The following SFT2D1 variants were observed in gnomAD, a reference collection of about 807,000 sequenced individuals.
SFT2D1 encodes vesicle transport protein SFT2A.
Under a neutral mutation model 28.1 loss-of-function variants are expected in SFT2D1, and 24 were observed. That is an observed-to-expected ratio of 0.85 (90% CI 0.62 to 1.20). The LOEUF is 1.20. SFT2D1 is among the 50% of genes most tolerant of loss of function. SFT2D1 has a pLI of 0.00. For missense variants in SFT2D1, 181 were observed against 190.9 expected (o/e 0.95, Z 0.31); for synonymous variants, 82 against 73.7 (o/e 1.11, Z -0.58).
chr6:166,338,268 C>G (rs182403921), intron 1 of SFT2D1, among the ~76,000 whole-genome samples: 139 of 152,296 alleles, frequency 9.1e-4, no homozygotes, highest in Non-Finnish European at 1.7e-3. Context: ...TGCCAATGCC[C>G]TCAGCTCTCC....
intron 1 of SFT2D1, among the ~76,000 whole-genome samples, chr6:166,338,852 G>A (rs551133784): frequency 5.3e-5 from 8 of 152,212 alleles, no homozygotes; most frequent in African/African-American, 1.2e-4. Flanking sequence ...CAGGCATCTC[G>A]AAGGAGAGGT....
chr6:166,329,692 G>A, intron 2 of SFT2D1, 103 bp from the exon 3 acceptor site: 2 of 902,808 alleles, frequency 2.2e-6, no homozygotes, highest in Non-Finnish European at 3.3e-6. Context: ...TATGTAATAT[G>A]TTTAAATACA....
intron 7 of SFT2D1, among the ~76,000 whole-genome samples, chr6:166,321,277 A>T (rs1778350513): frequency 6.6e-6 from 1 of 152,220 alleles, no homozygotes; most frequent in African/African-American, 2.4e-5. Context: ...CATAAAAAAT[A>T]TCCACTAATA....
chr6:166,339,084 C>T (rs1488263904), intron 1 of SFT2D1, among the ~76,000 whole-genome samples: 1 of 152,124 alleles, frequency 6.6e-6, no homozygotes, highest in Non-Finnish European at 1.5e-5. Context: ...CATCCCTCAC[C>T]CCATTCAGGT....
chr6:166,335,032 G>A, intron 1 of SFT2D1: 1 of 510,962 alleles, frequency 2.0e-6, no homozygotes, highest in Non-Finnish European at 3.7e-6. Flanking sequence ...TCGTGCCTCT[G>A]ACAACCACGA....
chr6:166,333,581 C>T (rs944376524), intron 1 of SFT2D1, among the ~76,000 whole-genome samples: 26 of 152,200 alleles, frequency 1.7e-4, no homozygotes, highest in Admixed American at 1.2e-3. Flanking sequence ...ATTCCCTTTC[C>T]GCTGCCTCCA....
In SFT2D1 at chr6:166,330,739, C is replaced by A. The variant is rs556664644; in HGVS notation, c.64-492G>T. Among the ~76,000 whole-genome samples the A allele has an allele frequency of 1.6e-4, 24 of 152,336 alleles. No individual in the cohort carries two copies. The South Asian group carries it at 4.8e-3, about 30-fold the overall frequency. ...CATCCGAGTGCATCCGCACTCAGTGCAAGTCCTGCTGGAGGCAGAGGCTGG... is the reference window on the plus strand; with the variant it reads ...CATCCGAGTGCATCCGCACTCAGTGAAAGTCCTGCTGGAGGCAGAGGCTGG... On this transcript the variant is annotated intron_variant, in intron 1 of 7. Transcript: ENST00000361731.
intron 1 of SFT2D1, among the ~76,000 whole-genome samples, chr6:166,337,239 G>A (rs1778672344): frequency 6.6e-6 from 1 of 152,192 alleles, no homozygotes; most frequent in Non-Finnish European, 1.5e-5. Flanking sequence ...TGTAGGAGTA[G>A]ACGGGACCCC....
Position 166,342,523 on chromosome 6 carries a change from G to T in SFT2D1, c.-42C>A. ...CGTAGCGGCCGCCACTCTGTTGCCTGCCCCTGACGCCCACCAGGAAACCCC... is the reference window on the plus strand; with the variant it reads ...CGTAGCGGCCGCCACTCTGTTGCCTTCCCCTGACGCCCACCAGGAAACCCC... On this transcript the variant is annotated 5_prime_UTR_variant, in exon 1 of 8. Coordinates refer to ENST00000361731, the MANE Select transcript of SFT2D1 (RefSeq NM_145169.3). 2 of 1,479,508 alleles carry T rather than the reference G, an allele frequency of 1.4e-6. No individual in the cohort carries two copies. The highest frequency in any genetic ancestry group is 1.8e-6 in the Non-Finnish European group (2 of 1,086,192). The allele number at this position is 1,479,508 out of a possible 1,614,324, so 91.6% of individuals were successfully genotyped here.
chr6:166,321,556 A>T (rs1230884176), intron 7 of SFT2D1, among the ~76,000 whole-genome samples: 1 of 151,808 alleles, frequency 6.6e-6, no homozygotes, highest in Non-Finnish European at 1.5e-5. Flanking sequence ...TTCTCCTTGT[A>T]AGTATCTATC....
intron 1 of SFT2D1, chr6:166,335,019 C>T: frequency 2.0e-6 from 1 of 503,256 alleles, no homozygotes; most frequent in Non-Finnish European, 3.8e-6. Context: ...AGGGGCTATG[C>T]CTTCGTGCCT....
chr6:166,338,680 T>C (rs1583043489), intron 1 of SFT2D1, among the ~76,000 whole-genome samples: 2 of 150,140 alleles, frequency 1.3e-5, no homozygotes, highest in Admixed American at 6.6e-5. Context: ...GGGGAGAGGG[T>C]GGGGAGGCGG....
At chr6:166,333,172 G>A (rs904155614) in intron 1 of SFT2D1, among the ~76,000 whole-genome samples, 1 of 152,168 alleles carries the variant, frequency 6.6e-6, no homozygotes, top group African/African-American at 2.4e-5. Flanking sequence ...ACAGACATCC[G>A]CAGACCCTCA....
chr6:166,334,718 T>G, intron 1 of SFT2D1: 1 of 326,938 alleles, frequency 3.1e-6, no homozygotes, highest in South Asian at 3.1e-5. Flanking sequence ...TCGTGGACTG[T>G]GTAGTCATGA....
intron 1 of SFT2D1, among the ~76,000 whole-genome samples, chr6:166,339,644 C>T (rs576881108): frequency 1.5e-4 from 23 of 152,210 alleles, no homozygotes; most frequent in African/African-American, 5.3e-4. Flanking sequence ...CACGGGTAAT[C>T]TGCTCTTAAC....
intron 6 of SFT2D1, chr6:166,323,617 C>A (rs139004077): frequency 4.1e-4 from 63 of 152,218 alleles, no homozygotes; most frequent in African/African-American, 1.3e-3. Flanking sequence ...TCTTACTGTG[C>A]GAGACACAAA....
intron 5 of SFT2D1, 123 bp from the exon 6 acceptor site, chr6:166,324,718 T>G: frequency 2.2e-6 from 2 of 899,426 alleles, no homozygotes; most frequent in Non-Finnish European, 3.3e-6. Flanking sequence ...TATTAAATTT[T>G]AGTGTGATAA....
rs989470280 is a variant in SFT2D1, at chr6:166,342,536, A to G, written c.-55T>C. 41 of 1,438,826 alleles carry G rather than the reference A, an allele frequency of 2.8e-5. No homozygotes were observed. Among genetic ancestry groups the G allele is most frequent in the Admixed American group, 4.0e-5 (2 of 50,148 alleles). 89.1% of individuals were successfully genotyped at this position (1,438,826 alleles called of 1,614,324 possible). On this transcript the variant is annotated 5_prime_UTR_variant, in exon 1 of 8. Coordinates refer to ENST00000361731, the MANE Select transcript of SFT2D1 (RefSeq NM_145169.3). Reference sequence around the variant, plus strand: ...ACTCTGTTGCCTGCCCCTGACGCCCACCAGGAAACCCCGAACCCGAAACCC... The same window carrying G: ...ACTCTGTTGCCTGCCCCTGACGCCCGCCAGGAAACCCCGAACCCGAAACCC...
At chr6:166,325,516 G>T (rs992770324) in intron 5 of SFT2D1, among the ~76,000 whole-genome samples, 2 of 152,250 alleles carry the variant, frequency 1.3e-5, no homozygotes, top group Non-Finnish European at 2.9e-5. Context: ...GTAGGAGAAT[G>T]ATTTCAGTTC....
Sources: allele counts gnomAD v4.1 joint callset (sites outside exome capture counted in the v4.1 genomes callset), GRCh38; gene constraint gnomAD v4.1.1; transcripts MANE v1.5; gene names NCBI Gene and HGNC (gene_info 2026-07-23, HGNC 2026-07-21).